The following EPCIP variants were observed in gnomAD, a reference collection of about 807,000 sequenced individuals.
EPCIP encodes exosomal polycystin 1 interacting protein, also known as exosomal polycystin-1-interacting protein.
chr21:32,807,858 C>T, the EPCIP span: 1 of 152,286 alleles, frequency 6.6e-6, no homozygotes. Flanking sequence ...GAGGCACCTC[C>T]AACCTCCTGT....
the EPCIP span, among the ~76,000 whole-genome samples, chr21:32,809,285 T>TTTCTTTCC: frequency 2.0e-5 from 2 of 102,386 alleles, no homozygotes; most frequent in African/African-American, 7.2e-5. Flanking sequence ...CCTTCCTTTC[T>TTTCTTTCC]TTCTTTCTTT....
chr21:32,794,548 GA>G, the EPCIP span: 17 of 888,112 alleles, frequency 1.9e-5, no homozygotes, highest in Non-Finnish European at 2.9e-5. Context: ...TATGGAAAAG[GA>G]ACCCCAGAAA....
chr21:32,811,816 C>T, the EPCIP span, among the ~76,000 whole-genome samples: 7 of 152,208 alleles, frequency 4.6e-5, no homozygotes, highest in African/African-American at 1.4e-4. Context: ...TGGATTAATG[C>T]TGTTATTGAG....
the EPCIP span, chr21:32,793,708 T>G: frequency 6.5e-7 from 1 of 1,537,076 alleles, no homozygotes; most frequent in East Asian, 2.2e-5. Flanking sequence ...AGATTCCTTC[T>G]GCAAATTATT....
At chr21:32,809,736 G>A in the EPCIP span, among the ~76,000 whole-genome samples, 1 of 151,996 alleles carries the variant, frequency 6.6e-6, no homozygotes, top group Non-Finnish European at 1.5e-5. Flanking sequence ...TGTGTTTGGG[G>A]ATGATTTCTG....
chr21:32,813,514 C>T, the EPCIP span: 2 of 455,800 alleles, frequency 4.4e-6, no homozygotes, highest in East Asian at 7.1e-5. Flanking sequence ...TCCTGCCATG[C>T]AGCAGAAATT....
chr21:32,799,949 T>C, the EPCIP span, among the ~76,000 whole-genome samples: 1 of 152,202 alleles, frequency 6.6e-6, no homozygotes. Flanking sequence ...CTATCTCAAA[T>C]AATAAAATAA....
the EPCIP span, chr21:32,797,723 A>T: frequency 6.6e-6 from 1 of 152,108 alleles, no homozygotes; most frequent in Non-Finnish European, 1.5e-5. Flanking sequence ...GTGTACTCAA[A>T]CTCTTTTAAC....
the EPCIP span, among the ~76,000 whole-genome samples, chr21:32,796,205 G>GCGTCATAGCCCAAAGCCAGGCC: frequency 6.6e-6 from 1 of 152,156 alleles, no homozygotes; most frequent in Admixed American, 6.5e-5. Context: ...ATGGGCTGGG[G>GCGTCATAGCCCAAAGCCAGGCC]CGTCATAGCC....
chr21:32,799,812 C>A, the EPCIP span, among the ~76,000 whole-genome samples: 3 of 152,036 alleles, frequency 2.0e-5, no homozygotes, highest in African/African-American at 7.3e-5. Flanking sequence ...TGTGGTGGTG[C>A]ACACCTATAA....
the EPCIP span, chr21:32,810,694 G>C: frequency 2.1e-6 from 1 of 471,146 alleles, no homozygotes; most frequent in Admixed American, 2.3e-5. Context: ...ATGGTGAACT[G>C]AGATACGTCT....
the EPCIP span, among the ~76,000 whole-genome samples, chr21:32,806,189 C>T: frequency 6.6e-6 from 1 of 152,196 alleles, no homozygotes; most frequent in African/African-American, 2.4e-5. Flanking sequence ...GAAAGGGTGA[C>T]ATTGAGTGGT....
the EPCIP span, among the ~76,000 whole-genome samples, chr21:32,809,510 A>T: frequency 6.6e-6 from 1 of 151,570 alleles, no homozygotes; most frequent in Non-Finnish European, 1.5e-5. Context: ...AGTAGCTAGG[A>T]CTATAGGTGC....
chr21:32,800,540 G>A, the EPCIP span, among the ~76,000 whole-genome samples: 6 of 152,208 alleles, frequency 3.9e-5, no homozygotes, highest in East Asian at 5.8e-4. Flanking sequence ...CACATAGGCC[G>A]GGTGTGGTGG....
the EPCIP span, chr21:32,790,842 A>T: frequency 1.3e-5 from 2 of 152,230 alleles, no homozygotes; most frequent in Admixed American, 6.5e-5. Context: ...GGCTACCATT[A>T]ACATAGTTTG....
chr21:32,794,155 C>G, the EPCIP span: 2 of 1,614,210 alleles, frequency 1.2e-6, no homozygotes. Flanking sequence ...GGTGGCCCAG[C>G]GCAGATGTGT....
the EPCIP span, among the ~76,000 whole-genome samples, chr21:32,804,549 A>G: frequency 6.6e-6 from 1 of 152,028 alleles, no homozygotes; most frequent in Non-Finnish European, 1.5e-5. Flanking sequence ...TTGTAATATC[A>G]GAGTCATAGT....
chr21:32,804,515 G>T, the EPCIP span, among the ~76,000 whole-genome samples: 1 of 151,864 alleles, frequency 6.6e-6, no homozygotes, highest in African/African-American at 2.4e-5. Flanking sequence ...AATATACATA[G>T]TACTATTCAT....
the EPCIP span, among the ~76,000 whole-genome samples, chr21:32,799,235 C>G: frequency 9.5e-4 from 145 of 152,300 alleles, no homozygotes; most frequent in Non-Finnish European, 1.7e-3. Flanking sequence ...AGCATTGCAA[C>G]TCTACTCCTC....
Sources: allele counts gnomAD v4.1 joint callset (sites outside exome capture counted in the v4.1 genomes callset), GRCh38; gene constraint gnomAD v4.1.1; transcripts MANE v1.5; gene names NCBI Gene and HGNC (gene_info 2026-07-23, HGNC 2026-07-21).